The following ATF6 variants were observed in gnomAD, a reference collection of about 807,000 sequenced individuals.
The protein encoded by ATF6 is activating transcription factor 6.
ATF6 carries 53 observed loss-of-function variants against 83.6 expected under a neutral mutation model. The observed-to-expected ratio is 0.63, with a 90% CI of 0.51 to 0.80. The LOEUF is 0.80. Among genes scored for constraint, ATF6 ranks in the 30% least tolerant of loss-of-function variants. The pLI is 0.00. For synonymous variants in ATF6, 288 were observed against 285.8 expected (o/e 1.01, Z -0.08); for missense variants, 744 against 797.9 (o/e 0.93, Z 0.81).
intron 14 of ATF6, among the ~76,000 whole-genome samples, chr1:161,871,737 C>G (rs1463888746): frequency 6.6e-6 from 1 of 151,604 alleles, no homozygotes; most frequent in Non-Finnish European, 1.5e-5. Context: ...TGACTTTAGA[C>G]AAATCACTTA....
At chr1:161,769,329 C>G (rs939900548) in intron 1 of ATF6, among the ~76,000 whole-genome samples, 4 of 152,228 alleles carry the variant, frequency 2.6e-5, no homozygotes, top group Admixed American at 2.6e-4. Context: ...TCCCCTTCAT[C>G]CCCAGCTTCT....
chr1:161,854,607 C>T (rs1279808531), intron 12 of ATF6, among the ~76,000 whole-genome samples: 1 of 152,140 alleles, frequency 6.6e-6, no homozygotes, highest in Non-Finnish European at 1.5e-5. Flanking sequence ...CGTGGTGGCT[C>T]ACGCCTGTAA....
chr1:161,905,035 T>G lies in ATF6; in HGVS notation c.1720-7261T>G, dbSNP rs564273530. Among the ~76,000 whole-genome samples the G allele has an allele frequency of 2.3e-3, 356 of 152,356 alleles. 3 individuals are homozygous for G. Among genetic ancestry groups the G allele is most frequent in the Non-Finnish European group, 3.9e-3 (263 of 68,034 alleles). On this transcript the variant is annotated intron_variant, in intron 14 of 15. Coordinates refer to ENST00000367942, the MANE Select transcript of ATF6 (RefSeq NM_007348.4). ...TCTTTATGTGACGCCAACATCAAAATTGCTTTGAAAAGGATCAAGATCTGG... is the reference window on the plus strand; with the variant it reads ...TCTTTATGTGACGCCAACATCAAAAGTGCTTTGAAAAGGATCAAGATCTGG...
At chr1:161,789,820 T>C (rs1439026410) in intron 4 of ATF6, among the ~76,000 whole-genome samples, 1 of 152,194 alleles carries the variant, frequency 6.6e-6, no homozygotes, top group Non-Finnish European at 1.5e-5. Context: ...GTGAAGATAA[T>C]AGTCTCCTCC....
chr1:161,781,456 A>G (rs1375884564), intron 2 of ATF6, among the ~76,000 whole-genome samples: 1 of 152,218 alleles, frequency 6.6e-6, no homozygotes, highest in African/African-American at 2.4e-5. Context: ...ACTCAGTGGT[A>G]ACTATCCTCT....
intron 15 of ATF6, among the ~76,000 whole-genome samples, chr1:161,957,064 T>C (rs1688980682): frequency 6.6e-6 from 1 of 152,020 alleles, no homozygotes; most frequent in Non-Finnish European, 1.5e-5. Context: ...AGTGACAAGC[T>C]CCACAGCATA....
rs76113692 is a variant in ATF6 at position 161,896,002 on chromosome 1, C to T, written c.1720-16294C>T. ...TGAGTTACAGAAATAGATGCTGGACCATCCCTGTTCTCTGCATTAGAAAAC... is the reference window on the plus strand; with the variant it reads ...TGAGTTACAGAAATAGATGCTGGACTATCCCTGTTCTCTGCATTAGAAAAC... On this transcript the variant is annotated intron_variant, in intron 14 of 15. Coordinates refer to ENST00000367942, the MANE Select transcript of ATF6 (RefSeq NM_007348.4). Among the ~76,000 whole-genome samples, 1,032 of 152,266 alleles carry T rather than the reference C, an allele frequency of 6.8e-3. 6 individuals carry two copies. The highest frequency in any genetic ancestry group is 0.01 in the Non-Finnish European group (690 of 68,020).
chr1:161,789,798 G>A (rs1415319020), intron 4 of ATF6, among the ~76,000 whole-genome samples: 1 of 152,082 alleles, frequency 6.6e-6, no homozygotes, highest in Non-Finnish European at 1.5e-5. Context: ...TACCTTTTAA[G>A]CATCAAAGGC....
At chr1:161,766,487 C>T in intron 1 of ATF6, 45 bp downstream of exon 1, 8 of 1,584,940 alleles carry the variant, frequency 5.0e-6, no homozygotes, top group Non-Finnish European at 6.9e-6. Flanking sequence ...GGGTTCGCGT[C>T]TAAAGGTTTC....
chr1:161,804,771 C>G (rs1415229394), intron 7 of ATF6, among the ~76,000 whole-genome samples: 1 of 150,980 alleles, frequency 6.6e-6, no homozygotes, highest in African/African-American at 2.4e-5. Context: ...ATTTTATAAT[C>G]TCTAAACATA....
intron 14 of ATF6, among the ~76,000 whole-genome samples, chr1:161,867,251 C>T (rs879873540): frequency 3.3e-5 from 5 of 151,688 alleles, no homozygotes; most frequent in East Asian, 1.9e-4. Flanking sequence ...GCCGAGATCG[C>T]GCCACTGCAC....
chr1:161,898,998 G>A (rs1687730953), intron 14 of ATF6, among the ~76,000 whole-genome samples: 1 of 152,158 alleles, frequency 6.6e-6, no homozygotes, highest in Non-Finnish European at 1.5e-5. Flanking sequence ...AAACCTGGAT[G>A]AAACTAAAGA....
At chr1:161,816,637 GA>G (rs780094287) in intron 7 of ATF6, among the ~76,000 whole-genome samples, 2 of 152,118 alleles carry the variant, frequency 1.3e-5, no homozygotes, top group Non-Finnish European at 2.9e-5. Context: ...TCAACAAGAG[GA>G]GATTAATTGA....
intron 14 of ATF6, among the ~76,000 whole-genome samples, chr1:161,901,152 G>C (rs10800079): frequency 6.6e-6 from 1 of 152,032 alleles, no homozygotes; most frequent in African/African-American, 2.4e-5. Context: ...TTTAAGGCTA[G>C]TCTTTTTTTA....
intron 9 of ATF6, among the ~76,000 whole-genome samples, chr1:161,825,916 C>G (rs192249543): frequency 2.0e-5 from 3 of 152,216 alleles, no homozygotes; most frequent in Non-Finnish European, 4.4e-5. Context: ...CCAAGAGTCA[C>G]CTCATTAGCA....
At chr1:161,790,126 A>G (rs571611847) in intron 4 of ATF6, among the ~76,000 whole-genome samples, 2 of 152,046 alleles carry the variant, frequency 1.3e-5, no homozygotes, top group Non-Finnish European at 2.9e-5. Flanking sequence ...CTACCAATAT[A>G]TATCTTTTAA....
chr1:161,946,391 C>A lies in ATF6; in HGVS notation c.1805-12055C>A, dbSNP rs190560570. ...TGGTGTTAACACTCCAGCGATACAACTATGGATCCTCCAGAAAGACTATGT... is the reference window on the plus strand; with the variant it reads ...TGGTGTTAACACTCCAGCGATACAAATATGGATCCTCCAGAAAGACTATGT... On this transcript the variant is annotated intron_variant, in intron 15 of 15. Coordinates refer to ENST00000367942, the MANE Select transcript of ATF6 (RefSeq NM_007348.4). Among the ~76,000 whole-genome samples, 366 of 152,340 alleles carry A rather than the reference C, an allele frequency of 2.4e-3. 3 individuals are homozygous for A. Among genetic ancestry groups the A allele is most frequent in the African/African-American group, 8.4e-3 (351 of 41,576 alleles).
intron 6 of ATF6, among the ~76,000 whole-genome samples, chr1:161,795,011 T>C (rs1465383350): frequency 6.6e-6 from 1 of 152,170 alleles, no homozygotes; most frequent in African/African-American, 2.4e-5. Context: ...GCGAAAATTA[T>C]TGAAATGGGA....
chr1:161,880,215 A>G (rs373022157), intron 14 of ATF6, among the ~76,000 whole-genome samples: 2 of 152,246 alleles, frequency 1.3e-5, no homozygotes, highest in South Asian at 4.1e-4. Flanking sequence ...GTGCCATGCA[A>G]TGTCATGTGT....
Sources: gnomAD v4.1 joint callset for allele counts (sites outside exome capture counted in the v4.1 genomes callset) on GRCh38, gnomAD v4.1.1 for gene constraint, MANE v1.5 for transcripts, NCBI Gene and HGNC (gene_info 2026-07-23, HGNC 2026-07-21) for gene names.